The following NMT1 variants were observed in gnomAD, a reference collection of about 807,000 sequenced individuals.
NMT1 encodes N-myristoyltransferase 1, also known as glycylpeptide N-tetradecanoyltransferase 1.
A neutral mutation model predicts 63.4 loss-of-function variants in NMT1; 12 were observed. That is an observed-to-expected ratio of 0.19 (90% CI 0.12 to 0.31). The LOEUF (loss-of-function observed/expected upper bound fraction) is 0.31, where lower values mean the gene tolerates loss of function less well. Among genes scored for constraint, NMT1 ranks in the 10% least tolerant of loss-of-function variants. The pLI is 1.00. For missense variants in NMT1, 432 were observed against 634.6 expected (o/e 0.68, Z 3.43); for synonymous variants, 228 against 234.3 (o/e 0.97, Z 0.25).
chr17:45,062,692 T>G (rs1376551201), intron 1 of NMT1, among the ~76,000 whole-genome samples: 1 of 152,202 alleles, frequency 6.6e-6, no homozygotes, highest in Non-Finnish European at 1.5e-5. Flanking sequence ...GTATAGCATG[T>G]TACTGTAATG....
intron 5 of NMT1, 22 bp from the exon 6 acceptor site, chr17:45,097,106 C>T: frequency 6.2e-7 from 1 of 1,603,750 alleles, no homozygotes; most frequent in Non-Finnish European, 8.5e-7. Context: ...GCAGCACAAC[C>T]ACCCCAGCCT....
At chr17:45,061,506 C>T (rs773807935) in intron 1 of NMT1, 46 bp downstream of exon 1, 5 of 1,574,200 alleles carry the variant, frequency 3.2e-6, no homozygotes, top group East Asian at 2.3e-5. Context: ...CTCCCACAAC[C>T]TGGGTCTCTG....
rs897047407 is a variant in NMT1 at position 45,102,848 on chromosome 17, CG to C, written c.994-102del. On this transcript the variant is annotated intron_variant, in intron 8 of 11. Transcript: ENST00000258960. ...TATGCACGGGGGTGCAGGGAGCCGCCGAATGACCAGGGATTCTCTCTTGAGG... is the reference window on the plus strand; with the variant it reads ...TATGCACGGGGGTGCAGGGAGCCGCCAATGACCAGGGATTCTCTCTTGAGG... 3.5e-6 allele frequency: 4 copies of C among 1,139,644 alleles called. No homozygotes were observed. The African/African-American group carries it at 4.6e-5, about 13-fold the overall frequency. The allele number at this position is 1,139,644 out of a possible 1,614,324, so 70.6% of individuals were successfully genotyped here.
chr17:45,081,654 C>A lies in NMT1; in HGVS notation c.142C>A (p.Pro48Thr). The A allele has an allele frequency of 6.2e-7, 1 of 1,612,126 alleles. No homozygotes were observed. The highest frequency in any genetic ancestry group is 8.5e-7 in the Non-Finnish European group (1 of 1,179,498). ...TACTTTTTGTTACAGTGGTTTGAGT[C>A]CAGCCAATGACACTGGAGCCAAAAA... ...DNSYNRGGLSPANDTGAKKKK... is the reference protein window; with the variant it reads ...DNSYNRGGLSTANDTGAKKKK... The change falls in exon 2 of 12, where the codon CCA becomes ACA. Residue 48 changes from proline to threonine, a missense_variant. This residue lies in a region of NMT1 where 121 missense variants were observed against 103.7 expected (regional missense o/e 1.17). Coordinates refer to ENST00000258960, the MANE Select transcript of NMT1 (RefSeq NM_021079.5).
At chr17:45,068,443 G>T (rs1218918052) in intron 1 of NMT1, among the ~76,000 whole-genome samples, 1 of 152,162 alleles carries the variant, frequency 6.6e-6, no homozygotes, top group Non-Finnish European at 1.5e-5. Flanking sequence ...TTGCACTTCA[G>T]TCTGGGCGAC....
Position 45,104,808 on chromosome 17 carries a change from GCTGTCCCCAC to G in NMT1, c.1333-44_1333-35del. ...ATGGCAGCAAAGGGGTAGGAAGGAGGCTGTCCCCACCTGTCCTCACCTGTTCTTGTTTGTC... is the reference window on the plus strand; with the variant it reads ...ATGGCAGCAAAGGGGTAGGAAGGAGGCTGTCCTCACCTGTTCTTGTTTGTC... On this transcript the variant is annotated intron_variant, in intron 10 of 11. Coordinates refer to ENST00000258960, the MANE Select transcript of NMT1 (RefSeq NM_021079.5). The surrounding 1 kb of genome is among the most constrained non-coding windows in gnomAD (Gnocchi z 4.2). The G allele has an allele frequency of 6.2e-7, 1 of 1,605,956 alleles. No homozygotes were observed. The highest frequency in any genetic ancestry group is 8.5e-7 in the Non-Finnish European group (1 of 1,173,572).
intron 7 of NMT1, among the ~76,000 whole-genome samples, chr17:45,099,117 G>A (rs932332552): frequency 2.0e-5 from 3 of 152,178 alleles, no homozygotes; most frequent in African/African-American, 7.2e-5. Flanking sequence ...GTCCTTTTCC[G>A]TTGACTTGAT....
Position 45,104,834 on chromosome 17 carries a change from C to A in NMT1, c.1333-25C>A. The A allele has an allele frequency of 6.2e-7, 1 of 1,613,900 alleles. No homozygotes were observed. The highest frequency in any genetic ancestry group is 8.5e-7 in the Non-Finnish European group (1 of 1,179,810). ...CTGTCCCCACCTGTCCTCACCTGTT[C>A]TTGTTTGTCCCTGCTGCTTTGCAGA... On this transcript the variant is annotated intron_variant, in intron 10 of 11. Transcript: ENST00000258960. This position sits in a 1 kb window ranked among gnomAD's most constrained non-coding sequence, Gnocchi z 4.2.
chr17:45,084,959 A>G (rs148676313), intron 2 of NMT1, among the ~76,000 whole-genome samples: 1 of 152,284 alleles, frequency 6.6e-6, no homozygotes, highest in East Asian at 1.9e-4. Context: ...AAATAGATGT[A>G]TAAGAAAATT....
At chr17:45,093,610 G>A (rs1265414999) in intron 3 of NMT1, 75 bp from the exon 4 acceptor site, 1 of 1,228,012 alleles carries the variant, frequency 8.1e-7, no homozygotes, top group African/African-American at 1.5e-5. Flanking sequence ...ATTTGCTCTG[G>A]TTGAGTTTTG....
rs1387613308 is a variant in NMT1 at position 45,105,236 on chromosome 17, T to C, written c.1470+240T>C. On this transcript the variant is annotated intron_variant, in intron 11 of 11. Coordinates refer to ENST00000258960, the MANE Select transcript of NMT1 (RefSeq NM_021079.5). The surrounding 1 kb of genome is among the most constrained non-coding windows in gnomAD (Gnocchi z 4.2). ...ACAGTAGCACGAAGATCATCTCCAA[T>C]GAGGCCTTCCCACGTGAGGGAACCG... is the stretch of plus-strand genomic sequence containing the variant. Among the ~76,000 whole-genome samples, 5 of 152,134 alleles carry C rather than the reference T, an allele frequency of 3.3e-5. No individual in the cohort carries two copies. Among genetic ancestry groups the C allele is most frequent in the Non-Finnish European group, 1.5e-5 (1 of 68,024 alleles).
At chr17:45,092,548 A>C (rs186747789) in intron 3 of NMT1, among the ~76,000 whole-genome samples, 211 of 151,558 alleles carry the variant, frequency 1.4e-3, no homozygotes, top group African/African-American at 4.9e-3. Context: ...AAAAAAAAAA[A>C]CAAAACACCA....
intron 3 of NMT1, among the ~76,000 whole-genome samples, chr17:45,092,146 C>T (rs539266988): frequency 2.6e-5 from 4 of 152,196 alleles, no homozygotes; most frequent in Non-Finnish European, 4.4e-5. Flanking sequence ...CTTTCCAGAT[C>T]CTGACCTGCA....
intron 2 of NMT1, among the ~76,000 whole-genome samples, chr17:45,082,052 C>T (rs1352357127): frequency 6.6e-6 from 1 of 152,212 alleles, no homozygotes; most frequent in Non-Finnish European, 1.5e-5. Context: ...GTGACAGCCC[C>T]TGGCGCCTAG....
intron 1 of NMT1, 66 bp downstream of exon 1, chr17:45,061,526 G>A: frequency 6.8e-7 from 1 of 1,462,610 alleles, no homozygotes; most frequent in South Asian, 1.2e-5. Flanking sequence ...GGGGTGCGGG[G>A]AAGTCACCGG....
In NMT1 at chr17:45,107,683, A is replaced by T. The variant is rs1322059129; in HGVS notation, c.*2044A>T. On this transcript the variant is annotated 3_prime_UTR_variant, in exon 12 of 12. Coordinates refer to ENST00000258960, the MANE Select transcript of NMT1 (RefSeq NM_021079.5). The stretch of plus-strand genomic sequence containing the variant: ...GGAACTTGGAAAGGCTCCCTGTCCT[A>T]GTCTTGATCTGTTCTGGGCCAGGTC... 6.6e-6 allele frequency: 1 copy of T among 152,288 alleles called. No individual in the cohort carries two copies. Among genetic ancestry groups the T allele is most frequent in the Non-Finnish European group, 1.5e-5 (1 of 68,094 alleles). The allele number at this position is 152,288 out of a possible 1,614,324, so 9.4% of individuals were successfully genotyped here. A position where few individuals can be genotyped will look rare whatever the true frequency, so the allele number is the denominator to read the frequency against.
chr17:45,073,775 C>G (rs989218735), intron 1 of NMT1, among the ~76,000 whole-genome samples: 1 of 152,170 alleles, frequency 6.6e-6, no homozygotes, highest in Non-Finnish European at 1.5e-5. Context: ...ATGGCTCCTC[C>G]CTAGATGCTA....
At chr17:45,061,482 A>G in intron 1 of NMT1, 22 bp downstream of exon 1, 1 of 1,607,524 alleles carries the variant, frequency 6.2e-7, no homozygotes. Flanking sequence ...CTCGGAGTCC[A>G]ATTCCCGTCC....
chr17:45,086,378 G>A (rs1441280884), intron 2 of NMT1, 130 bp from the exon 3 acceptor site: 1 of 898,990 alleles, frequency 1.1e-6, no homozygotes, highest in Admixed American at 3.5e-5. Flanking sequence ...GCCCGCCTTG[G>A]CCTCCCAAAA....
Sources: gnomAD v4.1 joint callset for allele counts (sites outside exome capture counted in the v4.1 genomes callset) on GRCh38, gnomAD v4.1.1 for gene constraint, gnomAD v4.1.1 regional missense constraint, Gnocchi (gnomAD v3.1) non-coding constraint, MANE v1.5 for transcripts, NCBI Gene and HGNC (gene_info 2026-07-23, HGNC 2026-07-21) for gene names.